The following PRKD3 variants were observed in gnomAD, a reference collection of about 807,000 sequenced individuals.
PRKD3 encodes protein kinase D3, also known as serine/threonine-protein kinase D3.
Under a neutral mutation model 99.2 loss-of-function variants are expected in PRKD3, and 47 were observed. The observed-to-expected ratio is 0.47, with a 90% CI of 0.38 to 0.60. The LOEUF (loss-of-function observed/expected upper bound fraction) is 0.60. PRKD3 is among the 20% of genes least tolerant of loss of function. The probability of loss-of-function intolerance (pLI) is 0.00; values close to 1 mark genes in which losing one functional copy is unlikely to be tolerated. For missense variants in PRKD3, 1,019 were observed against 1,088.4 expected (o/e 0.94, Z 0.90); for synonymous variants, 392 against 355.4 (o/e 1.10, Z -1.16).
At position 37,265,653 on chromosome 2, in the gene PRKD3, A is replaced by G. The variant is rs143030240; in HGVS notation, c.1884+1777T>C. Among the ~76,000 whole-genome samples the G allele has an allele frequency of 2.6e-5, 4 of 152,304 alleles. No homozygotes were observed. In the East Asian group the frequency reaches 7.7e-4, roughly 29 times the overall value. On this transcript the variant is annotated intron_variant, in intron 14 of 18. Coordinates refer to ENST00000234179, the MANE Select transcript of PRKD3 (RefSeq NM_005813.6). ...CTTAAGTATAAATGCTGACACCACA[A>G]GGAAAGCCAAATATAAAAGTATAAA...
In PRKD3 at chr2:37,293,418, A is replaced by G. The variant is rs36046782; in HGVS notation, c.289-147T>C. On this transcript the variant is annotated intron_variant, in intron 2 of 18. Coordinates refer to ENST00000234179, the MANE Select transcript of PRKD3 (RefSeq NM_005813.6). ...TCTATTGATACCTAAAAGGTGATCC[A>G]CGTACTCAAGCATCCTGGTTAATTT... The G allele has an allele frequency of 5.6e-3, 3,963 of 702,250 alleles. 19 individuals are homozygous for G. The highest frequency in any genetic ancestry group is 8.1e-3 in the Admixed American group (230 of 28,492). 43.5% of individuals were successfully genotyped at this position (702,250 alleles called of 1,614,324 possible).
chr2:37,321,548 C>G (rs1671884494), intron 1 of PRKD3, among the ~76,000 whole-genome samples: 1 of 152,140 alleles, frequency 6.6e-6, no homozygotes, highest in African/African-American at 2.4e-5. Context: ...GCAGTATTTC[C>G]ACTTAACAAA....
rs1380107797 is a variant in PRKD3, at chr2:37,316,261, A to G, written c.264T>C (p.Leu88=). The change falls in exon 2 of 19, where the codon CTT becomes CTC. Residue 88 remains leucine (L), a synonymous_variant. Coordinates refer to ENST00000234179, the MANE Select transcript of PRKD3 (RefSeq NM_005813.6). ...QELSLSAVKD[L]VCSIVYQKFP... is the part of the protein sequence containing the mutation. ...CCTTTTGATAAACTATGGAGCACAC[A>G]AGATCCTTGACAGCAGATAAAGACA... 3.1e-6 allele frequency: 5 copies of G among 1,613,872 alleles called. No individual in the cohort carries two copies. Among genetic ancestry groups the G allele is most frequent in the Non-Finnish European group, 4.2e-6 (5 of 1,179,832 alleles).
At chr2:37,309,390 T>C (rs1671316480) in intron 2 of PRKD3, among the ~76,000 whole-genome samples, 1 of 152,196 alleles carries the variant, frequency 6.6e-6, no homozygotes, top group African/African-American at 2.4e-5. Flanking sequence ...GGCATGTGTA[T>C]ACAATGCAAG....
chr2:37,265,221 G>A (rs1168064782), intron 14 of PRKD3, among the ~76,000 whole-genome samples: 1 of 152,156 alleles, frequency 6.6e-6, no homozygotes, highest in African/African-American at 2.4e-5. Context: ...GTTGGATGGG[G>A]AAGAGGAGAG....
chr2:37,291,036 T>C (rs1440528126), intron 3 of PRKD3, 37 bp from the exon 4 acceptor site: 2 of 1,555,210 alleles, frequency 1.3e-6, no homozygotes, highest in Non-Finnish European at 1.7e-6. Flanking sequence ...CACGTTGTAT[T>C]TGTACTGCGA....
chr2:37,263,928 ACACCACAATGTT>A (rs1438798933), intron 14 of PRKD3, among the ~76,000 whole-genome samples: 1 of 152,224 alleles, frequency 6.6e-6, no homozygotes, highest in Non-Finnish European at 1.5e-5. Flanking sequence ...TGCTGAATTT[ACACCACAATGTT>A]CAAACCAGAA....
intron 6 of PRKD3, among the ~76,000 whole-genome samples, chr2:37,285,270 G>C (rs1173268091): frequency 6.6e-6 from 1 of 152,102 alleles, no homozygotes; most frequent in Non-Finnish European, 1.5e-5. Flanking sequence ...GAAGGTATGA[G>C]ACAAAAAGAT....
At chr2:37,257,447 C>T (rs1036892093) in intron 16 of PRKD3, among the ~76,000 whole-genome samples, 4 of 151,888 alleles carry the variant, frequency 2.6e-5, no homozygotes, top group Non-Finnish European at 5.9e-5. Flanking sequence ...GGGCGGATCA[C>T]GAGGTCAGGA....
chr2:37,254,504 A>G (rs933282978), intron 17 of PRKD3, among the ~76,000 whole-genome samples: 1 of 152,224 alleles, frequency 6.6e-6, no homozygotes, highest in Non-Finnish European at 1.5e-5. Context: ...ATAAGGCAGT[A>G]TAGAGTACAG....
At chr2:37,273,147 T>A (rs1192324825) in intron 11 of PRKD3, among the ~76,000 whole-genome samples, 1 of 152,214 alleles carries the variant, frequency 6.6e-6, no homozygotes, top group Non-Finnish European at 1.5e-5. Flanking sequence ...TTTTATAATG[T>A]TGTTTTTTGG....
chr2:37,260,101 G>A (rs1262998060), intron 15 of PRKD3, 122 bp downstream of exon 15: 2 of 828,648 alleles, frequency 2.4e-6, no homozygotes, highest in Non-Finnish European at 3.7e-6. Context: ...GGAGGCAGAG[G>A]TTGCAGTGAG....
At chr2:37,278,044 A>G (rs1353822997) in intron 8 of PRKD3, 55 bp from the exon 9 acceptor site, 1 of 1,471,214 alleles carries the variant, frequency 6.8e-7, no homozygotes, top group Non-Finnish European at 9.3e-7. Context: ...AATCATATAA[A>G]TACTGTAGGA....
At chr2:37,270,711 A>T (rs996326702) in intron 12 of PRKD3, among the ~76,000 whole-genome samples, 4 of 152,206 alleles carry the variant, frequency 2.6e-5, no homozygotes, top group African/African-American at 9.7e-5. Flanking sequence ...GTTGTAATTA[A>T]AATTTTAAGG....
At chr2:37,314,950 TAAAAC>T (rs1671594743) in intron 2 of PRKD3, among the ~76,000 whole-genome samples, 3 of 151,912 alleles carry the variant, frequency 2.0e-5, no homozygotes, top group East Asian at 1.9e-4. Flanking sequence ...AAGTCATTGT[TAAAAC>T]AAAGGCAGCA....
At position 37,316,471 on chromosome 2, in the gene PRKD3, A is replaced by T. The variant is rs563885505; in HGVS notation, c.54T>A (p.Ala18=). 2.0e-5 allele frequency: 32 copies of T among 1,613,940 alleles called. No homozygotes were observed. The South Asian group carries it at 3.2e-4, about 16-fold the overall frequency. Reference sequence around the variant, plus strand: ...AAGCAGCTGGAAGCACAGCAGGAATAGCTGTGGGTAATACAGACTTCTGGG... The same window carrying T: ...AAGCAGCTGGAAGCACAGCAGGAATTGCTGTGGGTAATACAGACTTCTGGG... ...PSAQKSVLPT[A]IPAVLPAASP... is the part of the protein sequence containing the mutation. The change falls in exon 2 of 19, where the codon GCT becomes GCA. Residue 18 remains alanine, a synonymous_variant. Transcript: ENST00000234179.
intron 16 of PRKD3, among the ~76,000 whole-genome samples, 191 bp from the exon 17 acceptor site, chr2:37,257,120 CCTGA>C (rs1478147940): frequency 1.3e-5 from 2 of 152,146 alleles, no homozygotes; most frequent in Admixed American, 1.3e-4. Flanking sequence ...GCCCTGTGAT[CCTGA>C]CTGACACAGT....
chr2:37,320,522 C>T (rs1671839024), intron 1 of PRKD3, among the ~76,000 whole-genome samples: 1 of 150,270 alleles, frequency 6.7e-6, no homozygotes, highest in East Asian at 2.0e-4. Flanking sequence ...GCCTCCGCCT[C>T]CCGGGTTCAA....
At chr2:37,274,889 C>T (rs72792830) in intron 10 of PRKD3, among the ~76,000 whole-genome samples, 192 bp from the exon 11 acceptor site, 1,952 of 152,178 alleles carry the variant, frequency 0.013, 15 homozygotes, top group Non-Finnish European at 0.022. Context: ...CAATGCCAGA[C>T]GCAGAGCATG....
Sources: allele counts gnomAD v4.1 joint callset (sites outside exome capture counted in the v4.1 genomes callset), GRCh38; gene constraint gnomAD v4.1.1; transcripts MANE v1.5; gene names NCBI Gene and HGNC (gene_info 2026-07-23, HGNC 2026-07-21).